The following PIK3R3 variants were observed in gnomAD, a reference collection of about 807,000 sequenced individuals.
PIK3R3 encodes the protein phosphoinositide-3-kinase regulatory subunit 3.
PIK3R3 carries 64 observed loss-of-function variants against 62.9 expected under a neutral mutation model. The ratio of observed to expected loss-of-function variants is 1.02; its 90% CI spans 0.83 to 1.25. PIK3R3 has a LOEUF of 1.25. Among genes scored for constraint, PIK3R3 ranks in the 50% most tolerant of loss-of-function variants. The pLI is 0.00. For synonymous variants in PIK3R3, 165 were observed against 189.0 expected, an observed-to-expected ratio of 0.87 and a Z score of 1.04; for missense variants, 614 against 561.6, an observed-to-expected ratio of 1.09 and a Z score of -0.94.
At chr1:46,131,711 C>T (rs1194541235) in intron 1 of PIK3R3, 136 bp downstream of exon 1, 6 of 650,486 alleles carry the variant, frequency 9.2e-6, no homozygotes, top group African/African-American at 1.9e-5. Context: ...GCAGTTTTAC[C>T]GCAGCTGTAA....
chr1:46,143,417 A>G, the PIK3R3 span, among the ~76,000 whole-genome samples: 2 of 145,996 alleles, frequency 1.4e-5, no homozygotes, highest in African/African-American at 2.5e-5. Context: ...AAGTCAGGGT[A>G]TTTGGTGTAT....
chr1:46,097,315 G>A (rs574904712), intron 1 of PIK3R3, among the ~76,000 whole-genome samples: 30 of 152,168 alleles, frequency 2.0e-4, no homozygotes, highest in East Asian at 1.2e-3. Flanking sequence ...AGGCCATGGC[G>A]AGAGGACACC....
chr1:46,060,094 C>T (rs567524198), intron 6 of PIK3R3, among the ~76,000 whole-genome samples: 7 of 151,228 alleles, frequency 4.6e-5, no homozygotes, highest in South Asian at 2.1e-4. Flanking sequence ...AGCGAGACTC[C>T]GTCTCAAAAA....
chr1:46,043,731 G>A lies in PIK3R3; in HGVS notation c.1328C>T (p.Ser443Phe). 2 of 1,614,244 alleles carry A rather than the reference G, an allele frequency of 1.2e-6. No individual in the cohort carries two copies. The highest frequency in any genetic ancestry group is 1.7e-6 in the Non-Finnish European group (2 of 1,180,036). ...QQTSLVQHND[S>F]LNVRLAYPVH... ...AGGGTAGGCAAGCCTGACGTTGAGG[G>A]AGTCGTTGTGCTGAACCAAGGATGT... Residue 443 changes from serine to phenylalanine, a missense_variant, in exon 10 of 10, where the codon TCC becomes TTC. Transcript: ENST00000262741.
In PIK3R3 at chr1:46,046,501, C is replaced by T. The variant is rs774511596; in HGVS notation, c.1016+50G>A. On this transcript the variant is annotated intron_variant, in intron 8 of 9. Coordinates refer to ENST00000262741, the MANE Select transcript of PIK3R3 (RefSeq NM_003629.4). ...TACCACGTATAAACAAGGCGCATGT[C>T]TTATATTGATAACAAAGCCCTCTGA... The T allele has an allele frequency of 1.2e-5, 14 of 1,207,736 alleles. No individual in the cohort carries two copies. The South Asian group carries it at 1.3e-4, about 11-fold the overall frequency. The allele number at this position is 1,207,736 out of a possible 1,614,324, so 74.8% of individuals were successfully genotyped here. A position where few individuals can be genotyped will look rare whatever the true frequency, so the allele number is the denominator to read the frequency against.
At position 46,071,730 on chromosome 1, in the gene PIK3R3, T is replaced by TATATAG. The variant is rs1163343399; in HGVS notation, c.315-4640_315-4639insCTATAT. 5.8e-4 allele frequency among the ~76,000 whole-genome samples: 34 copies of TATATAG among 59,062 alleles called. 2 individuals are homozygous for TATATAG. Among genetic ancestry groups the TATATAG allele is most frequent in the African/African-American group, 1.7e-3 (22 of 12,680 alleles). The allele number at this position is 59,062 out of a possible 152,430, so 38.7% of individuals were successfully genotyped here. ...AAAAAAAAATATATATATATATATA[T>TATATAG]AGAGAGAGAGAGAGAGAGAGAGAGA... On this transcript the variant is annotated intron_variant, in intron 3 of 9. Transcript: ENST00000262741.
intron 1 of PIK3R3, among the ~76,000 whole-genome samples, chr1:46,099,277 A>T (rs1456738751): frequency 1.3e-5 from 2 of 152,226 alleles, no homozygotes; most frequent in African/African-American, 2.4e-5. Context: ...GATCAATCAG[A>T]GAGAATTAGA....
At chr1:46,074,827 C>A (rs1649920482) in intron 3 of PIK3R3, among the ~76,000 whole-genome samples, 1 of 152,174 alleles carries the variant, frequency 6.6e-6, no homozygotes, top group Admixed American at 6.5e-5. Context: ...CCAACCAATG[C>A]CCTCATTTTA....
At chr1:46,102,877 T>C (rs540536481) in intron 1 of PIK3R3, among the ~76,000 whole-genome samples, 15 of 147,554 alleles carry the variant, frequency 1.0e-4, no homozygotes, top group African/African-American at 3.0e-4. Context: ...CAGACCTATG[T>C]TCACAGGAGC....
intron 1 of PIK3R3, among the ~76,000 whole-genome samples, chr1:46,117,630 C>G (rs1267000409): frequency 2.0e-5 from 3 of 152,042 alleles, no homozygotes; most frequent in African/African-American, 7.3e-5. Flanking sequence ...ACTTGTAGTC[C>G]CAGCTACTCG....
the PIK3R3 span, among the ~76,000 whole-genome samples, chr1:46,166,493 G>C: frequency 6.6e-6 from 1 of 151,948 alleles, no homozygotes; most frequent in Non-Finnish European, 1.5e-5. Flanking sequence ...AAAGTGCTGG[G>C]AGGCGTGAGC....
the PIK3R3 span, among the ~76,000 whole-genome samples, chr1:46,152,137 A>G: frequency 6.6e-6 from 1 of 152,202 alleles, no homozygotes; most frequent in Non-Finnish European, 1.5e-5. Context: ...CTCTGATACA[A>G]CAGAGAAAAA....
intron 1 of PIK3R3, among the ~76,000 whole-genome samples, chr1:46,120,084 G>A (rs921096652): frequency 5.9e-5 from 9 of 152,056 alleles, no homozygotes; most frequent in African/African-American, 2.2e-4. Flanking sequence ...AGAATTTTAA[G>A]TGTATAGTTT....
At chr1:46,096,023 A>T (rs986991709) in intron 1 of PIK3R3, among the ~76,000 whole-genome samples, 1 of 152,154 alleles carries the variant, frequency 6.6e-6, no homozygotes, top group South Asian at 2.1e-4. Flanking sequence ...GACTCAAATG[A>T]TCCTCCTGCC....
At chr1:46,050,791 C>T (rs955957659) in intron 7 of PIK3R3, among the ~76,000 whole-genome samples, 10 of 152,098 alleles carry the variant, frequency 6.6e-5, no homozygotes, top group African/African-American at 2.4e-4. Context: ...GCCAAAAAGA[C>T]AGAAACAACC....
At chr1:46,143,338 G>A in the PIK3R3 span, among the ~76,000 whole-genome samples, 1 of 152,202 alleles carries the variant, frequency 6.6e-6, no homozygotes, top group Non-Finnish European at 1.5e-5. Flanking sequence ...TTTTTTAATT[G>A]ATACAGAATA....
At chr1:46,136,614 A>G (rs1655942488), upstream of PIK3R3, among the ~76,000 whole-genome samples, 1 of 152,206 alleles carries the variant, frequency 6.6e-6, no homozygotes, top group South Asian at 2.1e-4. Flanking sequence ...TTAAAGTGGC[A>G]TTCCCCTAGA....
chr1:46,132,426 G>C lies in PIK3R3; in HGVS notation c.-474C>G. 1 of 1,147,958 alleles carries C rather than the reference G, an allele frequency of 8.7e-7. No individual in the cohort carries two copies. The allele number at this position is 1,147,958 out of a possible 1,614,324, so 71.1% of individuals were successfully genotyped here. On this transcript the variant is annotated 5_prime_UTR_variant, in exon 1 of 10. Coordinates refer to ENST00000262741, the MANE Select transcript of PIK3R3 (RefSeq NM_003629.4). ...AAAGGGGGCTGGAGATTGCGTTCAAGTTTCGGGGTCCCACTGGTCTGCAGA... is the reference window on the plus strand; with the variant it reads ...AAAGGGGGCTGGAGATTGCGTTCAACTTTCGGGGTCCCACTGGTCTGCAGA...
chr1:46,102,803 T>TAA (rs33975572), intron 1 of PIK3R3, among the ~76,000 whole-genome samples: 648 of 55,764 alleles, frequency 0.012, 13 homozygotes, highest in South Asian at 0.023. Flanking sequence ...GTATATATCT[T>TAA]AAAAAAAAAA....
Sources: gnomAD v4.1 joint callset for allele counts (sites outside exome capture counted in the v4.1 genomes callset) on GRCh38, gnomAD v4.1.1 for gene constraint, MANE v1.5 for transcripts, NCBI Gene and HGNC (gene_info 2026-07-23, HGNC 2026-07-21) for gene names.